RASA2: variants seen among roughly 807,000 people sequenced by gnomAD.
RASA2 encodes ras GTPase-activating protein 2.
Under a neutral mutation model 118.2 loss-of-function variants are expected in RASA2, and 155 were observed. The observed-to-expected ratio is 1.31, with a 90% CI of 1.15 to 1.50. The LOEUF is 1.50. Ranked by LOEUF, RASA2 falls within the 40% of genes most tolerant of loss-of-function variation. RASA2 has a pLI of 0.00. For synonymous variants in RASA2, 353 were observed against 349.1 expected (o/e 1.01, Z -0.12); for missense variants, 1,016 against 1,009.6 (o/e 1.01, Z -0.09).
Position 141,606,621 on chromosome 3 carries a change from T to A in RASA2, c.1934-1057T>A, listed in dbSNP as rs1280782243. On this transcript the variant is annotated intron_variant, in intron 19 of 23. Transcript: ENST00000286364. ...TTGAATTAAGTGACTTTATCTTTTT[T>A]AAAAACATTATATGTCACATTTGCT... 2.0e-5 allele frequency among the ~76,000 whole-genome samples: 3 copies of A among 152,270 alleles called. No individual in the cohort carries two copies. In the South Asian group the frequency reaches 6.2e-4, roughly 32 times the overall value.
At chr3:141,562,923 G>A (rs1048683057) in intron 9 of RASA2, among the ~76,000 whole-genome samples, 1 of 152,014 alleles carries the variant, frequency 6.6e-6, no homozygotes, top group East Asian at 1.9e-4. Context: ...CCCCCGCCTC[G>A]GCCTCCCAAA....
chr3:141,607,663 T>G lies in RASA2; in HGVS notation c.1934-15T>G, dbSNP rs1269003758. On this transcript the variant is annotated splice_polypyrimidine_tract_variant and intron_variant, in intron 19 of 23. Coordinates refer to ENST00000286364, the MANE Select transcript of RASA2 (RefSeq NM_006506.5). Reference sequence around the variant, plus strand: ...GAAATTACTTTAATTTTGTTTTACTTTTTTTATTATTTAGGCAAAGATGCA... The same window carrying G: ...GAAATTACTTTAATTTTGTTTTACTGTTTTTATTATTTAGGCAAAGATGCA... 6.4e-7 allele frequency: 1 copy of G among 1,561,392 alleles called. No homozygotes were observed. Among genetic ancestry groups the G allele is most frequent in the East Asian group, 2.3e-5 (1 of 43,602 alleles).
intron 19 of RASA2, 154 bp from the exon 20 acceptor site, chr3:141,607,524 A>C (rs1384899163): frequency 1.4e-6 from 1 of 715,046 alleles, no homozygotes; most frequent in African/African-American, 1.9e-5. Context: ...TCCATGAAAC[A>C]AATATTTATA....
At position 141,607,483 on chromosome 3, in the gene RASA2, T is replaced by C. The variant is rs372201849; in HGVS notation, c.1934-195T>C. Among the ~76,000 whole-genome samples, 3 of 152,274 alleles carry C rather than the reference T, an allele frequency of 2.0e-5. No homozygotes were observed. The South Asian group carries it at 6.2e-4, about 32-fold the overall frequency. On this transcript the variant is annotated intron_variant, in intron 19 of 23. Coordinates refer to ENST00000286364, the MANE Select transcript of RASA2 (RefSeq NM_006506.5). ...ATTATATGGCAAAGAAAAGCAGTGG[T>C]CACTTTAGAAGACAATCAAAATTCA... is the stretch of plus-strand genomic sequence containing the variant.
chr3:141,543,188 C>T (rs2082431135), intron 5 of RASA2, among the ~76,000 whole-genome samples: 1 of 151,730 alleles, frequency 6.6e-6, no homozygotes, highest in African/African-American at 2.4e-5. Context: ...TTTAAAAAAT[C>T]TATGGTCTCT....
At chr3:141,528,625 A>C (rs2082215987) in intron 3 of RASA2, among the ~76,000 whole-genome samples, 1 of 151,920 alleles carries the variant, frequency 6.6e-6, no homozygotes, top group African/African-American at 2.4e-5. Context: ...GGGGGCCTTA[A>C]TATATTCACA....
At position 141,586,009 on chromosome 3, in the gene RASA2, C is replaced by G. The variant is rs1309587389; in HGVS notation, c.1753-16C>G. 1.9e-6 allele frequency: 3 copies of G among 1,589,902 alleles called. No individual in the cohort carries two copies. The highest frequency in any genetic ancestry group is 3.4e-5 in the Admixed American group (2 of 59,514). On this transcript the variant is annotated splice_polypyrimidine_tract_variant and intron_variant, in intron 17 of 23. Transcript: ENST00000286364. ...CCTTATCACACAGTGTAATATTTGC[C>G]CATTTCCCCATTTAGTTCTTGGATG...
intron 5 of RASA2, among the ~76,000 whole-genome samples, chr3:141,545,461 C>CTTT (rs35655653): frequency 0.012 from 1,404 of 113,160 alleles, 62 homozygotes; most frequent in African/African-American, 0.045. Context: ...GTACTACATA[C>CTTT]TTTTTTTTTT....
At chr3:141,543,516 T>C (rs2082435798) in intron 5 of RASA2, among the ~76,000 whole-genome samples, 1 of 152,240 alleles carries the variant, frequency 6.6e-6, no homozygotes, top group South Asian at 2.1e-4. Context: ...ATTTTTTTCC[T>C]TTCTGATGTT....
In RASA2 at chr3:141,540,515, A is replaced by G; in HGVS notation, c.451-18A>G. On this transcript the variant is annotated intron_variant, in intron 4 of 23. Transcript: ENST00000286364. ...AGTAAAATAGACTACTCAGTTTGTAATCTTTTTGTCATTATAGGGTAAAGT... is the reference window on the plus strand; with the variant it reads ...AGTAAAATAGACTACTCAGTTTGTAGTCTTTTTGTCATTATAGGGTAAAGT... 6.3e-7 allele frequency: 1 copy of G among 1,585,368 alleles called. No individual in the cohort carries two copies. Among genetic ancestry groups the G allele is most frequent in the Non-Finnish European group, 8.7e-7 (1 of 1,155,546 alleles).
intron 1 of RASA2, among the ~76,000 whole-genome samples, chr3:141,489,396 G>C (rs2081614229): frequency 6.6e-6 from 1 of 152,212 alleles, no homozygotes; most frequent in Non-Finnish European, 1.5e-5. Flanking sequence ...GGTGGGGACT[G>C]AGGGGTTGGA....
intron 23 of RASA2, among the ~76,000 whole-genome samples, chr3:141,611,994 T>A (rs915387833): frequency 2.6e-5 from 4 of 152,186 alleles, no homozygotes; most frequent in Admixed American, 2.6e-4. Context: ...AATATCAACC[T>A]CTACCATACT....
At chr3:141,592,818 A>C (rs138679516) in intron 19 of RASA2, among the ~76,000 whole-genome samples, 17 of 152,182 alleles carry the variant, frequency 1.1e-4, no homozygotes, top group African/African-American at 3.9e-4. Flanking sequence ...TTTTTGAGGA[A>C]AAAAAAGAAG....
chr3:141,512,931 T>G (rs1320807559), intron 2 of RASA2, among the ~76,000 whole-genome samples: 1 of 151,894 alleles, frequency 6.6e-6, no homozygotes, highest in Non-Finnish European at 1.5e-5. Context: ...GGCGTGGTGC[T>G]GGGTGTCTGT....
chr3:141,603,369 G>A (rs762428240), intron 19 of RASA2, among the ~76,000 whole-genome samples: 52 of 151,900 alleles, frequency 3.4e-4, no homozygotes, highest in Non-Finnish European at 5.1e-4. Context: ...TCAGGAGTTC[G>A]AGACCAGCCT....
intron 5 of RASA2, among the ~76,000 whole-genome samples, chr3:141,547,849 G>A (rs2082509434): frequency 6.6e-6 from 1 of 152,086 alleles, no homozygotes; most frequent in South Asian, 2.1e-4. Context: ...TTGTGTTGAG[G>A]TTTGATCCTT....
chr3:141,589,131 G>A (rs150120441), intron 19 of RASA2, among the ~76,000 whole-genome samples: 3 of 152,148 alleles, frequency 2.0e-5, no homozygotes, highest in Non-Finnish European at 2.9e-5. Flanking sequence ...GAGCCAGCGC[G>A]CCCGGCCCAG....
intron 4 of RASA2, among the ~76,000 whole-genome samples, chr3:141,534,802 A>T (rs770444693): frequency 3.9e-5 from 6 of 152,106 alleles, no homozygotes; most frequent in Non-Finnish European, 7.4e-5. Flanking sequence ...GCCATTCTAG[A>T]TCATATTAAA....
At chr3:141,514,934 G>A (rs1235755006) in intron 2 of RASA2, among the ~76,000 whole-genome samples, 1 of 152,180 alleles carries the variant, frequency 6.6e-6, no homozygotes, top group Non-Finnish European at 1.5e-5. Flanking sequence ...TTCTATTTAT[G>A]TGAGATTTTA....
Sources: allele counts gnomAD v4.1 joint callset (sites outside exome capture counted in the v4.1 genomes callset), GRCh38; gene constraint gnomAD v4.1.1; transcripts MANE v1.5; gene names NCBI Gene and HGNC (gene_info 2026-07-23, HGNC 2026-07-21).